The following THSD7A variants were observed in gnomAD, a reference collection of about 807,000 sequenced individuals.
THSD7A encodes the protein thrombospondin type 1 domain containing 7A.
A neutral mutation model predicts 231.3 loss-of-function variants in THSD7A; 96 were observed. The observed-to-expected ratio is 0.41, with a 90% CI of 0.35 to 0.49. The LOEUF (loss-of-function observed/expected upper bound fraction) is 0.49. THSD7A is among the 20% of genes least tolerant of loss of function. THSD7A has a pLI of 0.05. For missense variants in THSD7A, 2,290 were observed against 2,070.2 expected (o/e 1.11, Z -2.06); for synonymous variants, 940 against 743.3 (o/e 1.26, Z -4.30).
intron 6 of THSD7A, among the ~76,000 whole-genome samples, chr7:11,489,054 T>C (rs1786781837): frequency 6.6e-6 from 1 of 152,124 alleles, no homozygotes; most frequent in African/African-American, 2.4e-5. Context: ...CTTTTTCTCA[T>C]TCCCTGTTCA....
At chr7:11,749,323 T>A (rs1782420944) in intron 1 of THSD7A, among the ~76,000 whole-genome samples, 1 of 151,984 alleles carries the variant, frequency 6.6e-6, no homozygotes, top group South Asian at 2.1e-4. Flanking sequence ...TAAGCTTGAA[T>A]ATATTGCTGT....
chr7:11,653,736 C>G (rs1328294852), intron 1 of THSD7A, among the ~76,000 whole-genome samples: 2 of 151,782 alleles, frequency 1.3e-5, no homozygotes, highest in Non-Finnish European at 2.9e-5. Flanking sequence ...CTTCAACAAG[C>G]ACAATAGCAG....
chr7:11,722,129 A>G (rs1002908440), intron 1 of THSD7A, among the ~76,000 whole-genome samples: 1 of 151,892 alleles, frequency 6.6e-6, no homozygotes, highest in South Asian at 2.1e-4. Flanking sequence ...GTCCTTGTTA[A>G]TACCTGGGCA....
At chr7:11,664,889 A>G (rs1323155505) in intron 1 of THSD7A, among the ~76,000 whole-genome samples, 5 of 151,950 alleles carry the variant, frequency 3.3e-5, no homozygotes, top group African/African-American at 1.2e-4. Context: ...CAAAGGTTGA[A>G]TGGAATCAAT....
intron 15 of THSD7A, 138 bp from the exon 16 acceptor site, chr7:11,424,967 C>T (rs1218153267): frequency 9.4e-7 from 1 of 1,069,156 alleles, no homozygotes; most frequent in East Asian, 2.6e-5. Context: ...TCTAACATTG[C>T]AATAGAGAGA....
At chr7:11,545,054 T>C in intron 4 of THSD7A, among the ~76,000 whole-genome samples, 1 of 152,108 alleles carries the variant, frequency 6.6e-6, no homozygotes, top group East Asian at 1.9e-4. Context: ...TATAAAAAAC[T>C]TGACACCAAT....
intron 2 of THSD7A, among the ~76,000 whole-genome samples, chr7:11,602,824 A>G (rs16869985): frequency 0.13 from 20,047 of 151,364 alleles, 1,648 homozygotes; most frequent in East Asian, 0.24. Context: ...AATTATTACA[A>G]TACAAGATTG....
intron 1 of THSD7A, among the ~76,000 whole-genome samples, chr7:11,802,740 A>G (rs1431855997): frequency 6.6e-6 from 1 of 152,182 alleles, no homozygotes; most frequent in Non-Finnish European, 1.5e-5. Flanking sequence ...GATGTATAAC[A>G]TTAACACTTA....
At chr7:11,665,567 T>C (rs1006245026) in intron 1 of THSD7A, among the ~76,000 whole-genome samples, 1 of 152,156 alleles carries the variant, frequency 6.6e-6, no homozygotes, top group Non-Finnish European at 1.5e-5. Context: ...TCCACAATAT[T>C]GTGAAATAAG....
At chr7:11,522,529 C>T (rs970710996) in intron 6 of THSD7A, among the ~76,000 whole-genome samples, 2 of 151,882 alleles carry the variant, frequency 1.3e-5, no homozygotes, top group African/African-American at 2.4e-5. Flanking sequence ...TTTTTATTTT[C>T]GGTTGCTACC....
In THSD7A at chr7:11,376,574, C is replaced by G; in HGVS notation, c.4885G>C (p.Ala1629Pro). Reference protein sequence around the residue: ...LIFIVSMIYLACKKPKKPQRR... With the variant: ...LIFIVSMIYLPCKKPKKPQRR... Reference sequence around the variant, plus strand: ...TTTAATTATTTAAACACTCACCAAGCTAGATAAATCATGGAGACAATAAAG... The same window carrying G: ...TTTAATTATTTAAACACTCACCAAGGTAGATAAATCATGGAGACAATAAAG... The change falls in exon 27 of 28, where the codon GCT becomes CCT. Residue 1629 changes from alanine (A) to proline (P), a missense_variant. Physicochemically the swap from Ala to Pro is conservative, Grantham distance 27. Coordinates refer to ENST00000423059, the MANE Select transcript of THSD7A (RefSeq NM_015204.3). 1 of 1,575,972 alleles carries G rather than the reference C, an allele frequency of 6.3e-7. No individual in the cohort carries two copies. Among genetic ancestry groups the G allele is most frequent in the Non-Finnish European group, 8.6e-7 (1 of 1,159,712 alleles).
At chr7:11,469,588 T>C (rs1227180611) in intron 9 of THSD7A, among the ~76,000 whole-genome samples, 1 of 152,166 alleles carries the variant, frequency 6.6e-6, no homozygotes, top group Non-Finnish European at 1.5e-5. Flanking sequence ...CACGATATAT[T>C]CCTTCAGAAC....
At chr7:11,621,466 A>G (rs6980294) in intron 2 of THSD7A, among the ~76,000 whole-genome samples, 2,250 of 152,242 alleles carry the variant, frequency 0.015, 50 homozygotes, top group African/African-American at 0.051. Flanking sequence ...AATTTCCAAC[A>G]CAATCCTCAT....
chr7:11,384,027 C>G (rs1304647743), intron 23 of THSD7A: 1 of 151,896 alleles, frequency 6.6e-6, no homozygotes, highest in African/African-American at 2.4e-5. Flanking sequence ...TTGCAAAAAT[C>G]CAAACAAGAC....
chr7:11,575,362 CTT>C (rs1316447500), intron 4 of THSD7A, among the ~76,000 whole-genome samples: 1 of 152,110 alleles, frequency 6.6e-6, no homozygotes, highest in African/African-American at 2.4e-5. Flanking sequence ...GATTTAAGGA[CTT>C]TTGATTTTCC....
intron 4 of THSD7A, among the ~76,000 whole-genome samples, chr7:11,566,325 G>A (rs1013742087): frequency 1.3e-5 from 2 of 152,198 alleles, no homozygotes; most frequent in Non-Finnish European, 2.9e-5. Context: ...GAGACAGAAA[G>A]GGATGTTTTA....
At chr7:11,415,992 G>C (rs113687863) in intron 17 of THSD7A, among the ~76,000 whole-genome samples, 1 of 152,136 alleles carries the variant, frequency 6.6e-6, no homozygotes, top group Non-Finnish European at 1.5e-5. Flanking sequence ...TCTGGTTTGC[G>C]AGGCTGCCCG....
At chr7:11,720,454 A>G (rs1781310034) in intron 1 of THSD7A, among the ~76,000 whole-genome samples, 1 of 151,700 alleles carries the variant, frequency 6.6e-6, no homozygotes, top group Non-Finnish European at 1.5e-5. Context: ...CCCCATGCTT[A>G]ATCTCTTTCT....
chr7:11,407,464 G>T (rs780002913), intron 19 of THSD7A, 41 bp from the exon 20 acceptor site: 1 of 1,462,336 alleles, frequency 6.8e-7, no homozygotes, highest in South Asian at 1.2e-5. Context: ...ATTGTAAATT[G>T]GGGGAGGGAG....
Sources: allele counts gnomAD v4.1 joint callset (sites outside exome capture counted in the v4.1 genomes callset), GRCh38; gene constraint gnomAD v4.1.1; transcripts MANE v1.5; gene names NCBI Gene and HGNC (gene_info 2026-07-23, HGNC 2026-07-21).